CCDC178: variants seen among roughly 807,000 people sequenced by gnomAD.
CCDC178 encodes coiled-coil domain containing 178, also known as coiled-coil domain-containing protein 178.
In CCDC178, 126 loss-of-function variants were observed where a neutral mutation model predicts 117.4. The observed-to-expected ratio is 1.07, with a 90% confidence interval of 0.93 to 1.24. The LOEUF (loss-of-function observed/expected upper bound fraction) is 1.24, where lower values mean the gene tolerates loss of function less well. Among genes scored for constraint, CCDC178 ranks in the 50% most tolerant of loss-of-function variants. The pLI, the probability that CCDC178 is intolerant of heterozygous loss-of-function variation, is 0.00. For synonymous variants in CCDC178, 283 were observed against 313.4 expected, an observed-to-expected ratio of 0.90 and a Z score of 1.02; for missense variants, 1,030 against 986.9, an observed-to-expected ratio of 1.04 and a Z score of -0.59.
chr18:33,247,888 A>C (rs2059569748), intron 14 of CCDC178, among the ~76,000 whole-genome samples: 1 of 151,874 alleles, frequency 6.6e-6, no homozygotes, highest in South Asian at 2.1e-4. Flanking sequence ...GATTTTCAGA[A>C]GGAACAATAA....
intron 7 of CCDC178, 91 bp downstream of exon 7, chr18:33,356,233 A>C: frequency 3.2e-6 from 4 of 1,262,638 alleles, no homozygotes; most frequent in Non-Finnish European, 4.3e-6. Flanking sequence ...TCGATTTTCT[A>C]TTCCTTTTGA....
chr18:33,033,736 T>A (rs147293401), intron 21 of CCDC178, among the ~76,000 whole-genome samples: 1 of 152,022 alleles, frequency 6.6e-6, no homozygotes, highest in Non-Finnish European at 1.5e-5. Flanking sequence ...GTATTTCTCT[T>A]CTAATCCCAC....
chr18:33,142,742 C>T (rs2058222150), intron 20 of CCDC178, among the ~76,000 whole-genome samples: 1 of 152,018 alleles, frequency 6.6e-6, no homozygotes, highest in Non-Finnish European at 1.5e-5. Flanking sequence ...AGGCATTTCA[C>T]CATTTATTTT....
chr18:33,193,493 G>T (rs1323886752), intron 20 of CCDC178, among the ~76,000 whole-genome samples: 1 of 152,134 alleles, frequency 6.6e-6, no homozygotes, highest in African/African-American at 2.4e-5. Flanking sequence ...TCATTTGAAA[G>T]TCTTTAGGTT....
chr18:32,974,212 C>A (rs529576913), intron 22 of CCDC178, among the ~76,000 whole-genome samples: 1 of 152,168 alleles, frequency 6.6e-6, no homozygotes, highest in Non-Finnish European at 1.5e-5. Flanking sequence ...TGCACAAAAT[C>A]AGCACAAGGT....
At chr18:33,429,875 G>A (rs11660887) in intron 2 of CCDC178, among the ~76,000 whole-genome samples, 3,430 of 152,224 alleles carry the variant, frequency 0.023, 54 homozygotes, top group Non-Finnish European at 0.035. Context: ...TACTGTTAAA[G>A]GTAGATGATA....
chr18:33,224,802 G>T lies in CCDC178; in HGVS notation c.1791C>A (p.Ile597=). 1 of 1,539,870 alleles carries T rather than the reference G, an allele frequency of 6.5e-7. No homozygotes were observed. The highest frequency in any genetic ancestry group is 8.8e-7 in the Non-Finnish European group (1 of 1,141,958). The change falls in exon 17 of 23, where the codon ATC becomes ATA. Residue 597 remains isoleucine, a synonymous_variant. Transcript: ENST00000383096. ...LLQLEDEAER[I]RSLDKEHSVM... Reference sequence around the variant, plus strand: ...CAGAATGTTCTTTGTCGAGACTTCTGATTCTTTCAGCTTCATCTTCTAGTT... The same window carrying T: ...CAGAATGTTCTTTGTCGAGACTTCTTATTCTTTCAGCTTCATCTTCTAGTT...
chr18:32,987,479 T>G (rs1443111016), intron 21 of CCDC178, among the ~76,000 whole-genome samples: 1 of 152,082 alleles, frequency 6.6e-6, no homozygotes, highest in African/African-American at 2.4e-5. Context: ...ATGGTGATGA[T>G]TGACAGGCTT....
intron 20 of CCDC178, among the ~76,000 whole-genome samples, chr18:33,108,717 C>T (rs1338486952): frequency 6.6e-6 from 1 of 151,586 alleles, no homozygotes; most frequent in African/African-American, 2.4e-5. Context: ...ACTTCCTATT[C>T]TGTTAGGTAC....
chr18:33,037,715 G>A (rs2056470932), intron 21 of CCDC178, among the ~76,000 whole-genome samples: 1 of 151,932 alleles, frequency 6.6e-6, no homozygotes, highest in South Asian at 2.1e-4. Flanking sequence ...GATACCAAGA[G>A]TATGGGTATA....
chr18:33,162,249 G>T (rs1293228641), intron 20 of CCDC178, among the ~76,000 whole-genome samples: 1 of 152,026 alleles, frequency 6.6e-6, no homozygotes, highest in Non-Finnish European at 1.5e-5. Context: ...GAGTTAATGG[G>T]TGCAGCACAC....
At chr18:33,434,091 C>G (rs1003947343) in intron 2 of CCDC178, among the ~76,000 whole-genome samples, 23 of 151,984 alleles carry the variant, frequency 1.5e-4, no homozygotes, top group Admixed American at 2.0e-4. Flanking sequence ...CTAAATGAAG[C>G]TGGAAAATTA....
At chr18:33,365,981 T>G (rs112676483) in intron 6 of CCDC178, among the ~76,000 whole-genome samples, 1 of 152,164 alleles carries the variant, frequency 6.6e-6, no homozygotes, top group African/African-American at 2.4e-5. Context: ...CAGTGGAGAT[T>G]CAAATTGCAC....
rs756461860 is a variant in CCDC178, at chr18:32,974,538, A to G, written c.2523+9T>C. ...GAATGATCTTTCCTACTTCCCTGCA[A>G]TCACCTACCTGCACAGCTAATATTT... On this transcript the variant is annotated intron_variant, in intron 22 of 22. Transcript: ENST00000383096. 3.7e-6 allele frequency: 6 copies of G among 1,612,784 alleles called. No homozygotes were observed. In the East Asian group the frequency reaches 8.9e-5, roughly 24 times the overall value.
intron 9 of CCDC178, among the ~76,000 whole-genome samples, chr18:33,341,440 C>T (rs4281795): frequency 0.43 from 65,349 of 151,912 alleles, 15,583 homozygotes; most frequent in African/African-American, 0.65. Context: ...GAAGGCATGA[C>T]TGGTTTTGAA....
intron 12 of CCDC178, among the ~76,000 whole-genome samples, chr18:33,271,081 G>A (rs2059883301): frequency 6.6e-6 from 1 of 150,956 alleles, no homozygotes; most frequent in South Asian, 2.1e-4. Flanking sequence ...CCACTCCTAG[G>A]GCAATTGCAG....
At chr18:33,393,298 T>C (rs2063586510) in intron 4 of CCDC178, among the ~76,000 whole-genome samples, 2 of 152,192 alleles carry the variant, frequency 1.3e-5, no homozygotes. Flanking sequence ...AAACCTTATA[T>C]TTATGTGTGT....
chr18:33,188,576 C>A (rs1441358231), intron 20 of CCDC178, among the ~76,000 whole-genome samples: 1 of 152,040 alleles, frequency 6.6e-6, no homozygotes, highest in Non-Finnish European at 1.5e-5. Context: ...TGTAAAGGTA[C>A]ACAGGTCAGG....
At chr18:33,212,140 A>G (rs2144590945) in intron 19 of CCDC178, 85 bp from the exon 20 acceptor site, 1 of 1,089,760 alleles carries the variant, frequency 9.2e-7, no homozygotes. Context: ...AAAAGGACCA[A>G]AATGAAAAAT....
Sources: allele counts gnomAD v4.1 joint callset (sites outside exome capture counted in the v4.1 genomes callset), GRCh38; gene constraint gnomAD v4.1.1; transcripts MANE v1.5; gene names NCBI Gene and HGNC (gene_info 2026-07-23, HGNC 2026-07-21).